Variants in MSRA observed in about 807,000 individuals in gnomAD.
MSRA encodes methionine sulfoxide reductase A.
In MSRA, 54 loss-of-function variants were observed where a neutral mutation model predicts 31.3. The ratio of observed to expected loss-of-function variants is 1.73; its 90% CI spans 1.39 to 2.17. The LOEUF (loss-of-function observed/expected upper bound fraction) is 2.17, where lower values mean the gene tolerates loss of function less well. Among genes scored for constraint, MSRA ranks in the 30% most tolerant of loss-of-function variants. The pLI, the probability that MSRA is intolerant of heterozygous loss-of-function variation, is 0.00. For synonymous variants in MSRA, 169 were observed against 116.5 expected, an observed-to-expected ratio of 1.45 and a Z score of -2.90; for missense variants, 507 against 300.9, an observed-to-expected ratio of 1.69 and a Z score of -5.07.
chr8:10,232,137 G>A (rs375744661), intron 2 of MSRA, among the ~76,000 whole-genome samples: 9 of 152,258 alleles, frequency 5.9e-5, no homozygotes, highest in East Asian at 5.8e-4. Context: ...TGTTGTGTAC[G>A]TGGCTGTGTT....
chr8:10,176,319 T>C (rs1806047518), intron 1 of MSRA, among the ~76,000 whole-genome samples: 1 of 152,136 alleles, frequency 6.6e-6, no homozygotes, highest in African/African-American at 2.4e-5. Context: ...TCCTCAGAGA[T>C]GCCAGCTCTG....
chr8:10,181,871 C>T (rs1050629699), intron 1 of MSRA, among the ~76,000 whole-genome samples: 1 of 152,170 alleles, frequency 6.6e-6, no homozygotes, highest in Non-Finnish European at 1.5e-5. Context: ...ATGGGAAAAG[C>T]CTTTATCCTG....
At position 10,285,988 on chromosome 8, in the gene MSRA, A is replaced by G. The variant is rs577140391; in HGVS notation, c.332-15546A>G. On this transcript the variant is annotated intron_variant, in intron 3 of 5. Transcript: ENST00000317173. ...TGGGAACAGTCACAACTAATTGGGT[A>G]AGGGTACCCCTCAGCTGGAGGGAGC... 2.0e-5 allele frequency among the ~76,000 whole-genome samples: 3 copies of G among 152,292 alleles called. No individual in the cohort carries two copies. The South Asian group carries it at 6.2e-4, about 32-fold the overall frequency.
At position 10,364,982 on chromosome 8, in the gene MSRA, C is replaced by T. The variant is rs141315574; in HGVS notation, c.543+44993C>T. Reference sequence around the variant, plus strand: ...ATTTAACACTGCCATTTGCACCTCTCGCTTATATAACACATTTGATATTCT... The same window carrying T: ...ATTTAACACTGCCATTTGCACCTCTTGCTTATATAACACATTTGATATTCT... On this transcript the variant is annotated intron_variant, in intron 5 of 5. Transcript: ENST00000317173. Among the ~76,000 whole-genome samples the T allele has an allele frequency of 7.2e-5, 11 of 152,220 alleles. No individual in the cohort carries two copies. In the East Asian group the frequency reaches 1.4e-3, roughly 19 times the overall value.
At chr8:10,064,881 A>G (rs140894159) in intron 1 of MSRA, among the ~76,000 whole-genome samples, 1,825 of 152,336 alleles carry the variant, frequency 0.012, 19 homozygotes, top group Middle Eastern at 0.027. Context: ...TGAAAATGAA[A>G]TACTTTGAGG....
intron 1 of MSRA, among the ~76,000 whole-genome samples, chr8:10,202,994 C>T (rs1380145576): frequency 6.6e-6 from 1 of 151,912 alleles, no homozygotes; most frequent in Non-Finnish European, 1.5e-5. Context: ...GTCCTGTCTC[C>T]TGCTTGTGAG....
chr8:10,283,832 T>TACACACAC (rs1338639680), intron 3 of MSRA, among the ~76,000 whole-genome samples: 60 of 65,324 alleles, frequency 9.2e-4, no homozygotes, highest in Non-Finnish European at 1.4e-3. Flanking sequence ...TATATATATA[T>TACACACAC]ATATACACAC....
intron 1 of MSRA, among the ~76,000 whole-genome samples, chr8:10,100,980 G>T (rs1177409371): frequency 6.6e-6 from 1 of 151,944 alleles, no homozygotes; most frequent in Non-Finnish European, 1.5e-5. Flanking sequence ...TTTCCTATTA[G>T]CCCTTCTAAG....
At chr8:10,282,928 C>T (rs116636154) in intron 3 of MSRA, among the ~76,000 whole-genome samples, 245 of 152,226 alleles carry the variant, frequency 1.6e-3, no homozygotes, top group African/African-American at 5.5e-3. Context: ...CCACCTCCCT[C>T]CAGAAAAACC....
At chr8:10,259,033 G>A (rs1377234583) in intron 3 of MSRA, among the ~76,000 whole-genome samples, 1 of 151,852 alleles carries the variant, frequency 6.6e-6, no homozygotes, top group Non-Finnish European at 1.5e-5. Flanking sequence ...CTTGAACCTG[G>A]AAGGTGGAGG....
At chr8:10,172,212 T>C (rs1320415621) in intron 1 of MSRA, among the ~76,000 whole-genome samples, 1 of 152,132 alleles carries the variant, frequency 6.6e-6, no homozygotes, top group Non-Finnish European at 1.5e-5. Context: ...GAGTATGGGT[T>C]GGTGTGTGTC....
intron 2 of MSRA, among the ~76,000 whole-genome samples, chr8:10,243,821 TATG>T (rs1413796651): frequency 1.3e-5 from 2 of 152,216 alleles, no homozygotes; most frequent in African/African-American, 4.8e-5. Flanking sequence ...CTTAGGTAAT[TATG>T]ATATCACAAA....
At chr8:10,058,230 T>G (rs954441420) in intron 1 of MSRA, among the ~76,000 whole-genome samples, 3 of 152,186 alleles carry the variant, frequency 2.0e-5, no homozygotes, top group African/African-American at 7.2e-5. Flanking sequence ...AACAATGTAT[T>G]AATCCAAAAG....
chr8:10,181,260 G>T (rs1370041686), intron 1 of MSRA, among the ~76,000 whole-genome samples: 2 of 152,146 alleles, frequency 1.3e-5, no homozygotes, highest in East Asian at 3.8e-4. Flanking sequence ...TAGAGAGCAA[G>T]GGTTTGAGTA....
chr8:10,271,625 C>G (rs1371701956), intron 3 of MSRA, among the ~76,000 whole-genome samples: 1 of 152,166 alleles, frequency 6.6e-6, no homozygotes, highest in African/African-American at 2.4e-5. Context: ...ATTTATCAGA[C>G]AGTCAATTTG....
chr8:10,317,499 T>G (rs1254765584), intron 4 of MSRA, among the ~76,000 whole-genome samples: 2 of 152,174 alleles, frequency 1.3e-5, no homozygotes, highest in Non-Finnish European at 1.5e-5. Context: ...GTTTGTCCCT[T>G]TAAAATCTTC....
intron 1 of MSRA, among the ~76,000 whole-genome samples, chr8:10,101,967 T>C (rs1799558347): frequency 6.6e-6 from 1 of 152,218 alleles, no homozygotes; most frequent in Non-Finnish European, 1.5e-5. Flanking sequence ...TACTCCCTTC[T>C]TTTGCCTTTG....
chr8:10,223,289 T>G (rs59290735), intron 2 of MSRA, among the ~76,000 whole-genome samples: 1 of 152,074 alleles, frequency 6.6e-6, no homozygotes, highest in South Asian at 2.1e-4. Context: ...TTCATGAGAG[T>G]TGAAGTTGAG....
intron 2 of MSRA, among the ~76,000 whole-genome samples, chr8:10,243,484 T>C (rs1347404914): frequency 6.6e-6 from 1 of 152,232 alleles, no homozygotes; most frequent in Non-Finnish European, 1.5e-5. Context: ...TAAATATTTA[T>C]TTATATTCAC....
Sources: allele counts gnomAD v4.1 joint callset (sites outside exome capture counted in the v4.1 genomes callset), GRCh38; gene constraint gnomAD v4.1.1; transcripts MANE v1.5; gene names NCBI Gene and HGNC (gene_info 2026-07-23, HGNC 2026-07-21).